Variants in SYT9 observed in about 807,000 individuals in gnomAD.
The protein encoded by SYT9 is synaptotagmin 9.
In SYT9, 22 loss-of-function variants were observed where a neutral mutation model predicts 48.4. The observed-to-expected ratio is 0.45, with a 90% CI of 0.32 to 0.65. The LOEUF is 0.65. Ranked by LOEUF, SYT9 falls within the 30% of genes least tolerant of loss-of-function variation. The pLI, the probability that SYT9 is intolerant of heterozygous loss-of-function variation, is 0.03. For missense variants in SYT9, 577 were observed against 622.0 expected (o/e 0.93, Z 0.77); for synonymous variants, 265 against 245.0 (o/e 1.08, Z -0.76).
At chr11:7,366,985 G>A (rs908219389) in intron 3 of SYT9, among the ~76,000 whole-genome samples, 2 of 150,590 alleles carry the variant, frequency 1.3e-5, no homozygotes, top group African/African-American at 4.9e-5. Context: ...CCTGATTCTC[G>A]TGGATATTCC....
chr11:7,299,797 A>G (rs758846581), intron 1 of SYT9, among the ~76,000 whole-genome samples: 1 of 152,192 alleles, frequency 6.6e-6, no homozygotes, highest in Non-Finnish European at 1.5e-5. Context: ...TTGTGAGTGC[A>G]TGAGCTGTAG....
chr11:7,380,104 T>C (rs1471832575), intron 3 of SYT9, among the ~76,000 whole-genome samples: 2 of 152,140 alleles, frequency 1.3e-5, no homozygotes, highest in African/African-American at 2.4e-5. Flanking sequence ...GGAGTACTAC[T>C]CAGCCATAAA....
At chr11:7,258,867 T>C (rs1246889696) in intron 1 of SYT9, among the ~76,000 whole-genome samples, 1 of 152,156 alleles carries the variant, frequency 6.6e-6, no homozygotes, top group Non-Finnish European at 1.5e-5. Context: ...ATTTACTTTC[T>C]ACTTTTTTGT....
intron 3 of SYT9, among the ~76,000 whole-genome samples, chr11:7,328,684 A>G (rs931243555): frequency 4.6e-5 from 7 of 152,154 alleles, no homozygotes; most frequent in African/African-American, 1.7e-4. Context: ...CCACATATTT[A>G]CCACTTCTCT....
intron 1 of SYT9, among the ~76,000 whole-genome samples, chr11:7,282,172 T>C (rs539104501): frequency 6.6e-6 from 1 of 152,326 alleles, no homozygotes; most frequent in East Asian, 1.9e-4. Flanking sequence ...TCATTCCAGG[T>C]TAGGGTAAGA....
intron 3 of SYT9, among the ~76,000 whole-genome samples, chr11:7,335,720 TAC>T (rs1252980926): frequency 1.3e-5 from 2 of 152,328 alleles, no homozygotes; most frequent in African/African-American, 4.8e-5. Flanking sequence ...GGTATATATG[TAC>T]CACATTTTCT....
intron 3 of SYT9, among the ~76,000 whole-genome samples, chr11:7,374,169 G>A (rs887010098): frequency 2.0e-5 from 3 of 152,072 alleles, no homozygotes; most frequent in Non-Finnish European, 4.4e-5. Flanking sequence ...AGAATATGCC[G>A]TGTTTGGTTT....
chr11:7,291,691 G>GAA (rs35813527), intron 1 of SYT9, among the ~76,000 whole-genome samples: 102 of 146,398 alleles, frequency 7.0e-4, no homozygotes, highest in African/African-American at 1.1e-3. Flanking sequence ...GTGCTCTGGG[G>GAA]AAAAAAAAAA....
chr11:7,341,906 G>C (rs1487316886), intron 3 of SYT9, among the ~76,000 whole-genome samples: 1 of 152,144 alleles, frequency 6.6e-6, no homozygotes, highest in Non-Finnish European at 1.5e-5. Context: ...TGGTTGGCAA[G>C]ACCTCACAAT....
intron 1 of SYT9, among the ~76,000 whole-genome samples, chr11:7,266,782 T>A (rs1848192270): frequency 1.3e-5 from 2 of 151,962 alleles, no homozygotes; most frequent in Non-Finnish European, 2.9e-5. Flanking sequence ...TGTCCCATAG[T>A]GCTACAGACA....
intron 3 of SYT9, among the ~76,000 whole-genome samples, chr11:7,405,565 T>G (rs1165615577): frequency 2.6e-5 from 4 of 152,202 alleles, no homozygotes; most frequent in African/African-American, 9.6e-5. Flanking sequence ...TGTTTACCAC[T>G]GATGATTTAG....
intron 3 of SYT9, among the ~76,000 whole-genome samples, chr11:7,349,262 G>C (rs879648223): frequency 6.6e-6 from 1 of 152,096 alleles, no homozygotes; most frequent in Non-Finnish European, 1.5e-5. Flanking sequence ...TTCTGGAATA[G>C]ACAGTAGAGA....
intron 3 of SYT9, among the ~76,000 whole-genome samples, chr11:7,415,339 G>T (rs1450205186): frequency 2.6e-5 from 4 of 152,174 alleles, no homozygotes; most frequent in African/African-American, 4.8e-5. Context: ...GCGATAGACT[G>T]TAAGTTTCCA....
At chr11:7,265,646 T>A (rs1055835747) in intron 1 of SYT9, among the ~76,000 whole-genome samples, 1 of 150,206 alleles carries the variant, frequency 6.7e-6, no homozygotes, top group Non-Finnish European at 1.5e-5. Flanking sequence ...CTCGAAAATG[T>A]GTTTACTATC....
intron 5 of SYT9, 130 bp downstream of exon 5, chr11:7,418,258 A>G (rs1847289207): frequency 1.0e-6 from 1 of 981,902 alleles, no homozygotes; most frequent in Non-Finnish European, 1.5e-6. Flanking sequence ...CTAGCAGTGC[A>G]TGGGAAGCAC....
chr11:7,466,785 C>G lies in SYT9; in HGVS notation c.1468-7C>G. 1 of 1,607,748 alleles carries G rather than the reference C, an allele frequency of 6.2e-7. No homozygotes were observed. Among genetic ancestry groups the G allele is most frequent in the Middle Eastern group, 1.7e-4 (1 of 6,040 alleles). On this transcript the variant is annotated splice_region_variant and splice_polypyrimidine_tract_variant and intron_variant, in intron 6 of 6. Transcript: ENST00000318881. ...CCAAATTATTTTTTTGTTTTTTCTT[C>G]CTGCAGAAACGATGACCATGGGTAA...
intron 1 of SYT9, among the ~76,000 whole-genome samples, chr11:7,264,038 A>G (rs1848129003): frequency 6.6e-6 from 1 of 152,070 alleles, no homozygotes; most frequent in African/African-American, 2.4e-5. Flanking sequence ...TTTCAACAAC[A>G]GTTTGTTTAT....
At chr11:7,256,629 C>T (rs1207799454) in intron 1 of SYT9, among the ~76,000 whole-genome samples, 2 of 152,186 alleles carry the variant, frequency 1.3e-5, no homozygotes, top group Non-Finnish European at 2.9e-5. Context: ...CTTAGACCTA[C>T]TTTCTCTCTT....
At position 7,466,795 on chromosome 11, in the gene SYT9, C is replaced by T. The variant is rs147851702; in HGVS notation, c.1471C>T (p.Arg491Ter). ...IAHWHSLVEK[R>*] ...TTTTTGTTTTTTCTTCCTGCAGAAA[C>T]GATGACCATGGGTAAGAGGACTGCT... Residue 491 changes from arginine (R) to a stop codon, truncating the protein, a stop_gained, in exon 7 of 7, where the codon CGA (arginine) becomes TGA (stop). Coordinates refer to ENST00000318881, the MANE Select transcript of SYT9 (RefSeq NM_175733.4). LOFTEE classifies it high-confidence loss of function. The T allele has an allele frequency of 1.2e-5, 19 of 1,611,848 alleles. No homozygotes were observed. In the African/African-American group the frequency reaches 1.2e-4, roughly 10 times the overall value.
Sources: gnomAD v4.1 joint callset for allele counts (sites outside exome capture counted in the v4.1 genomes callset) on GRCh38, gnomAD v4.1.1 for gene constraint, MANE v1.5 for transcripts, NCBI Gene and HGNC (gene_info 2026-07-23, HGNC 2026-07-21) for gene names.